SLC47A2: variants seen among roughly 807,000 people sequenced by gnomAD.
The protein encoded by SLC47A2 is multidrug and toxin extrusion protein 2.
Under a neutral mutation model 67.7 loss-of-function variants are expected in SLC47A2, and 52 were observed. The ratio of observed to expected loss-of-function variants is 0.77; its 90% CI spans 0.61 to 0.97. The LOEUF is 0.97. Among genes scored for constraint, SLC47A2 ranks in the 50% least tolerant of loss-of-function variants. The pLI, the probability that SLC47A2 is intolerant of heterozygous loss-of-function variation, is 0.00. For synonymous variants in SLC47A2, 278 were observed against 292.9 expected (o/e 0.95, Z 0.52); for missense variants, 676 against 712.3 (o/e 0.95, Z 0.58).
chr17:19,706,917 GTC>G lies in SLC47A2; in HGVS notation c.728-158_728-157del, dbSNP rs552867241. Among the ~76,000 whole-genome samples the G allele has an allele frequency of 5.7e-3, 869 of 152,306 alleles. 6 individuals carry two copies. Among genetic ancestry groups the G allele is most frequent in the Non-Finnish European group, 9.4e-3 (639 of 68,032 alleles). ...GCATTTTGCAGAGGGAATGCAGCTG[GTC>G]TAGAGCTGGTGTTGGGGCCTACGGA... On this transcript the variant is annotated intron_variant, in intron 8 of 16. Transcript: ENST00000433844.
At chr17:19,694,114 G>A (rs896761316) in intron 13 of SLC47A2, among the ~76,000 whole-genome samples, 13 of 152,102 alleles carry the variant, frequency 8.5e-5, no homozygotes, top group African/African-American at 1.2e-4. Context: ...AAACATTGCC[G>A]AGATAAAGAA....
Position 19,700,904 on chromosome 17 carries a change from A to G in SLC47A2, c.1164+1701T>C, listed in dbSNP as rs117132739. On this transcript the variant is annotated intron_variant, in intron 13 of 16. Transcript: ENST00000433844. ...ATCCAGGCCAGGTGCGGTGGCTCAC[A>G]CCTGTAATCCCAGCGCATTTTGGGA... 6.0e-3 allele frequency among the ~76,000 whole-genome samples: 916 copies of G among 152,038 alleles called. 37 individuals are homozygous for G. The East Asian group carries it at 0.11, about 18-fold the overall frequency.
intron 8 of SLC47A2, among the ~76,000 whole-genome samples, chr17:19,707,475 G>C (rs1018812915): frequency 6.6e-6 from 1 of 152,148 alleles, no homozygotes; most frequent in Admixed American, 6.5e-5. Flanking sequence ...TGCTCTCACC[G>C]CCATCCTGAG....
At chr17:19,681,788 A>C (rs1299703267) in intron 13 of SLC47A2, 118 bp from the exon 14 acceptor site, 3 of 1,281,564 alleles carry the variant, frequency 2.3e-6, no homozygotes, top group Admixed American at 2.4e-5. Flanking sequence ...TTCTCACAGC[A>C]CTGGATGGGT....
At chr17:19,702,309 C>T (rs1006070593) in intron 13 of SLC47A2, 13 of 985,184 alleles carry the variant, frequency 1.3e-5, no homozygotes, top group Non-Finnish European at 1.6e-5. Flanking sequence ...GTCATGGTCC[C>T]AGCTCATGAG....
At chr17:19,680,094 T>A in intron 15 of SLC47A2, 55 bp from the exon 16 acceptor site, 5 of 1,547,208 alleles carry the variant, frequency 3.2e-6, no homozygotes, top group Non-Finnish European at 4.4e-6. Flanking sequence ...GTTCACCCCT[T>A]CACTGCTAGC....
chr17:19,686,548 T>G (rs1324129515), intron 13 of SLC47A2, among the ~76,000 whole-genome samples: 1 of 152,184 alleles, frequency 6.6e-6, no homozygotes, highest in Non-Finnish European at 1.5e-5. Context: ...ATCTGTTGCC[T>G]ACAAGATGCA....
At chr17:19,716,721 C>CT, upstream of SLC47A2, 7 of 1,053,732 alleles carry the variant, frequency 6.6e-6, no homozygotes, top group Non-Finnish European at 9.2e-6. Flanking sequence ...GCCCTGCCTC[C>CT]TAGGGCACTG....
intron 5 of SLC47A2, among the ~76,000 whole-genome samples, chr17:19,710,856 G>C (rs1354571061): frequency 6.6e-6 from 1 of 151,048 alleles, no homozygotes; most frequent in African/African-American, 2.4e-5. Flanking sequence ...CTCTTGTGAG[G>C]CTGGAGTGCA....
At position 19,678,718 on chromosome 17, in the gene SLC47A2, G is replaced by A. The variant is rs1305108850; in HGVS notation, c.1669C>T (p.Leu557Phe). ...CTGGTGGCTAGGATCCTGACCGTGA[G>A]CCCCACCATCAGTGTGGCTGACGCC... The part of the protein sequence containing the change: ...GAASATLMVG[L>F]TVRILATRH The change falls in exon 17 of 17, where the codon CTC becomes TTC. Residue 557 changes from leucine to phenylalanine, a missense_variant. Transcript: ENST00000433844. 1.2e-6 allele frequency: 2 copies of A among 1,613,312 alleles called. No individual in the cohort carries two copies. The highest frequency in any genetic ancestry group is 2.2e-5 in the South Asian group (2 of 91,036).
chr17:19,716,533 ACTGTGTC>A lies in SLC47A2; in HGVS notation c.16_22del (p.Asp6TrpfsTer40), dbSNP rs1419158690. The A allele has an allele frequency of 1.2e-6, 2 of 1,610,234 alleles. No individual in the cohort carries two copies. Among genetic ancestry groups the A allele is most frequent in the Non-Finnish European group, 1.7e-6 (2 of 1,178,534 alleles). The stretch of plus-strand genomic sequence containing the variant: ...GCAGCAGCCCCCATGGTCCAGGGCC[ACTGTGTC>A]CTGGAGGCTGTCCATTCCTGGCCGG... On this transcript the variant is annotated frameshift_variant, in exon 1 of 17. Transcript: ENST00000433844. LOFTEE classifies it high-confidence loss of function.
intron 5 of SLC47A2, among the ~76,000 whole-genome samples, chr17:19,711,390 G>A (rs201908742): frequency 1.3e-5 from 2 of 150,928 alleles, no homozygotes; most frequent in East Asian, 2.0e-4. Flanking sequence ...TCAGGAGTTC[G>A]AGACCAGCCT....
chr17:19,699,526 G>A (rs1325213444), intron 13 of SLC47A2, among the ~76,000 whole-genome samples: 3 of 151,694 alleles, frequency 2.0e-5, no homozygotes, highest in Non-Finnish European at 4.4e-5. Flanking sequence ...GACTATAGGT[G>A]TGTGCCAACC....
At chr17:19,694,083 A>G (rs368796292) in intron 13 of SLC47A2, among the ~76,000 whole-genome samples, 163 of 152,316 alleles carry the variant, frequency 1.1e-3, no homozygotes, top group African/African-American at 3.8e-3. Flanking sequence ...GAAGTATAAG[A>G]TTTGTCCATT....
chr17:19,678,744 G>A lies in SLC47A2; in HGVS notation c.1643C>T (p.Ala548Val), dbSNP rs374301491. The A allele has an allele frequency of 1.4e-4, 230 of 1,613,740 alleles. No individual in the cohort carries two copies. The highest frequency in any genetic ancestry group is 2.2e-4 in the Admixed American group (13 of 59,998). ...LVIRRGAALG[A>V]ASATLMVGLT... is the part of the protein sequence containing the mutation. ...CCCCACCATCAGTGTGGCTGACGCC[G>A]CCCCCAGAGCAGCCCCACGGCGGAT... The change falls in exon 17 of 17, where the codon GCG (alanine) becomes GTG (valine). Residue 548 changes from alanine (A) to valine (V), a missense_variant. Coordinates refer to ENST00000433844, the MANE Select transcript of SLC47A2 (RefSeq NM_001099646.3).
chr17:19,710,128 T>C (rs1475024372), intron 5 of SLC47A2, among the ~76,000 whole-genome samples: 1 of 152,140 alleles, frequency 6.6e-6, no homozygotes, highest in East Asian at 1.9e-4. Context: ...CCATGGAGGC[T>C]ACACTGTCAG....
rs139778919 is a variant in SLC47A2, at chr17:19,713,933, A to G, written c.335T>C (p.Leu112Pro). The G allele has an allele frequency of 5.6e-5, 91 of 1,613,500 alleles. 1 individual carries two copies. The African/African-American group carries it at 1.1e-3, about 20-fold the overall frequency. Residue 112 changes from leucine (L) to proline (P), a missense_variant, in exon 4 of 17, where the codon CTG (leucine) becomes CCG (proline). Transcript: ENST00000433844. Reference protein sequence around the residue: ...SPNKKHVGVILQRGALVLLLC... With the variant: ...SPNKKHVGVIPQRGALVLLLC... ...GAGCAGGACCAGCGCGCCCCGCTGC[A>G]GGATCACGCCCACGTGCTTCTTGTT...
intron 16 of SLC47A2, 51 bp from the exon 17 acceptor site, chr17:19,678,957 G>A (rs2085251229): frequency 6.6e-7 from 1 of 1,509,700 alleles, no homozygotes; most frequent in Non-Finnish European, 9.0e-7. Flanking sequence ...CAGAGGGAGA[G>A]CTTTGGCCTT....
rs1391963227 is a variant in SLC47A2, at chr17:19,715,179, C to T, written c.162G>A (p.Val54=). The change falls in exon 2 of 17, where the codon GTG becomes GTA. Residue 54 remains valine (V), a synonymous_variant. Coordinates refer to ENST00000433844, the MANE Select transcript of SLC47A2 (RefSeq NM_001099646.3). The part of the protein sequence containing the change: ...FQVLTFMIYI[V]STVFCGHLGK... The stretch of plus-strand genomic sequence containing the variant: ...CCAGGTGCCCGCAGAACACAGTGCT[C>T]ACGATGTAGATCATAAAAGTCAGCA... 4 of 1,612,022 alleles carry T rather than the reference C, an allele frequency of 2.5e-6. No homozygotes were observed. In the East Asian group the frequency reaches 8.9e-5, roughly 36 times the overall value.
Sources: allele counts gnomAD v4.1 joint callset (sites outside exome capture counted in the v4.1 genomes callset), GRCh38; gene constraint gnomAD v4.1.1; transcripts MANE v1.5; gene names NCBI Gene and HGNC (gene_info 2026-07-23, HGNC 2026-07-21).